RC3H1: variants seen among roughly 807,000 people sequenced by gnomAD.
The protein encoded by RC3H1 is ring finger and CCCH-type domains 1.
Under a neutral mutation model 138.2 loss-of-function variants are expected in RC3H1, and 50 were observed. That is an observed-to-expected ratio of 0.36 (90% CI 0.29 to 0.46). RC3H1 has a LOEUF of 0.46. Ranked by LOEUF, RC3H1 falls within the 20% of genes least tolerant of loss-of-function variation. The pLI, the probability that RC3H1 is intolerant of heterozygous loss-of-function variation, is 1.00. For synonymous variants in RC3H1, 462 were observed against 489.1 expected (o/e 0.94, Z 0.73); for missense variants, 1,031 against 1,388.1 (o/e 0.74, Z 4.09).
chr1:173,953,976 T>A (rs1659527202), intron 13 of RC3H1, among the ~76,000 whole-genome samples: 1 of 151,820 alleles, frequency 6.6e-6, no homozygotes, highest in African/African-American at 2.4e-5. Context: ...GAGGCGGAGG[T>A]TGCAGGGAGC....
At chr1:174,005,606 C>T (rs1661639975) in intron 1 of RC3H1, among the ~76,000 whole-genome samples, 1 of 152,060 alleles carries the variant, frequency 6.6e-6, no homozygotes, top group Admixed American at 6.5e-5. Context: ...CCTTCACAAA[C>T]ACAACATGCC....
Position 173,992,922 on chromosome 1 carries a change from C to G in RC3H1, c.64G>C (p.Asp22His), listed in dbSNP as rs759295069. ...LSCPICTQTF[D>H]ETIRKPISLG... ...CTGATGGGCTTTCGAATTGTTTCGTCGAAAGTCTGAGTGCAAATTGGGCAG... is the reference window on the plus strand; with the variant it reads ...CTGATGGGCTTTCGAATTGTTTCGTGGAAAGTCTGAGTGCAAATTGGGCAG... The change falls in exon 2 of 20, where the codon GAC becomes CAC. Residue 22 changes from aspartate to histidine, a missense_variant. Asp to His is a moderately conservative substitution (Grantham distance 81). Transcript: ENST00000367696. 1.2e-6 allele frequency: 2 copies of G among 1,613,806 alleles called. No individual in the cohort carries two copies. The highest frequency in any genetic ancestry group is 1.3e-5 in the African/African-American group (1 of 74,826).
Position 173,964,117 on chromosome 1 carries a change from C to T in RC3H1, c.1687G>A (p.Ala563Thr). ...GTAACAGGCATTGGAGGCAGATCTG[C>T]TGGCCCCCTTGGAGGTATAGAATGT... ...NPHSIPPRGP[A>T]DLPPMPVTKP... Residue 563 changes from alanine to threonine, a missense_variant, in exon 11 of 20, where the codon GCA (alanine) becomes ACA (threonine). Ala to Thr is a moderately conservative substitution (Grantham distance 58). Around this residue, in one of 7 missense-constraint regions of RC3H1, gnomAD observed 716 missense variants for 837.9 expected, o/e 0.85. Transcript: ENST00000367696. 2 of 1,614,152 alleles carry T rather than the reference C, an allele frequency of 1.2e-6. No homozygotes were observed.
At chr1:173,965,244 T>C in intron 9 of RC3H1, 124 bp from the exon 10 acceptor site, 1 of 902,346 alleles carries the variant, frequency 1.1e-6, no homozygotes, top group Non-Finnish European at 1.6e-6. Context: ...TCAGTGTGTA[T>C]ATTTTGCATA....
At chr1:173,980,486 GTTCA>G (rs1660768043) in intron 6 of RC3H1, among the ~76,000 whole-genome samples, 2 of 151,338 alleles carry the variant, frequency 1.3e-5, no homozygotes, top group South Asian at 4.2e-4. Context: ...TTTAGTAAAT[GTTCA>G]TTATTTTTTT....
intron 7 of RC3H1, among the ~76,000 whole-genome samples, chr1:173,973,637 T>C (rs1375107005): frequency 1.3e-5 from 2 of 152,166 alleles, no homozygotes; most frequent in African/African-American, 2.4e-5. Context: ...AGCACTATGA[T>C]TTATAAAAGA....
chr1:173,973,086 T>C (rs997165), intron 7 of RC3H1, among the ~76,000 whole-genome samples: 7,245 of 152,306 alleles, frequency 0.048, 567 homozygotes, highest in African/African-American at 0.16. Flanking sequence ...TAAGTAAAAA[T>C]TTCCCAGTTT....
intron 1 of RC3H1, among the ~76,000 whole-genome samples, chr1:173,997,763 T>C (rs1319152850): frequency 1.3e-5 from 2 of 152,208 alleles, no homozygotes; most frequent in Non-Finnish European, 2.9e-5. Flanking sequence ...CCTTGACTTT[T>C]TCTGGGAAAT....
intron 7 of RC3H1, among the ~76,000 whole-genome samples, chr1:173,976,835 T>C (rs1201145416): frequency 6.6e-6 from 1 of 151,888 alleles, no homozygotes; most frequent in Non-Finnish European, 1.5e-5. Flanking sequence ...CTGAATGCCA[T>C]AGTCAAGAGT....
At chr1:173,939,175 G>GT (rs1375239060) in intron 19 of RC3H1, among the ~76,000 whole-genome samples, 3 of 152,068 alleles carry the variant, frequency 2.0e-5, no homozygotes, top group Non-Finnish European at 4.4e-5. Context: ...GACAAAAACT[G>GT]TAAGGCCCGT....
chr1:174,007,312 C>T (rs1316159159), intron 1 of RC3H1, among the ~76,000 whole-genome samples: 2 of 151,576 alleles, frequency 1.3e-5, no homozygotes, highest in East Asian at 2.1e-4. Flanking sequence ...ATGGCGTGAA[C>T]CCGGGAGGCG....
intron 6 of RC3H1, among the ~76,000 whole-genome samples, chr1:173,979,744 T>C (rs1014732385): frequency 2.6e-5 from 4 of 152,220 alleles, no homozygotes; most frequent in African/African-American, 9.6e-5. Context: ...GTTAAGCGTT[T>C]CCGTAAATTA....
intron 14 of RC3H1, among the ~76,000 whole-genome samples, chr1:173,949,118 C>T (rs1173666363): frequency 1.1e-5 from 1 of 91,980 alleles, no homozygotes; most frequent in Non-Finnish European, 1.8e-5. Context: ...CTCTAAAACT[C>T]TCTATTTTTT....
intron 2 of RC3H1, among the ~76,000 whole-genome samples, chr1:173,985,120 T>C (rs1660971452): frequency 6.6e-6 from 1 of 152,244 alleles, no homozygotes; most frequent in Admixed American, 6.5e-5. Flanking sequence ...TTCAAGGGTC[T>C]TCCAGGTTGT....
intron 6 of RC3H1, 86 bp from the exon 7 acceptor site, chr1:173,978,706 T>C (rs1660681306): frequency 1.5e-6 from 2 of 1,360,044 alleles, no homozygotes; most frequent in Non-Finnish European, 2.0e-6. Flanking sequence ...ATTTTTGCGA[T>C]TTATTAAATT....
At chr1:173,965,395 A>C (rs1314040059) in intron 9 of RC3H1, among the ~76,000 whole-genome samples, 1 of 152,078 alleles carries the variant, frequency 6.6e-6, no homozygotes, top group Non-Finnish European at 1.5e-5. Context: ...GATCGAGACC[A>C]GTCTGGCCAA....
intron 1 of RC3H1, among the ~76,000 whole-genome samples, chr1:174,012,203 C>T (rs1162665579): frequency 1.3e-5 from 2 of 151,630 alleles, no homozygotes; most frequent in Non-Finnish European, 2.9e-5. Flanking sequence ...TGCACTCTAG[C>T]CTGGGCAACA....
chr1:173,972,814 T>C (rs1660422236), intron 7 of RC3H1, among the ~76,000 whole-genome samples, 187 bp from the exon 8 acceptor site: 1 of 152,158 alleles, frequency 6.6e-6, no homozygotes, highest in Non-Finnish European at 1.5e-5. Context: ...AAAGCTGGGG[T>C]TGCAAACTGA....
chr1:173,975,877 G>A (rs1426304527), intron 7 of RC3H1, among the ~76,000 whole-genome samples: 1 of 41,590 alleles, frequency 2.4e-5, no homozygotes, highest in Non-Finnish European at 3.1e-5. Flanking sequence ...CAGCCTGGGC[G>A]ACAGAGCGAG....
Sources: gnomAD v4.1 joint callset for allele counts (sites outside exome capture counted in the v4.1 genomes callset) on GRCh38, gnomAD v4.1.1 for gene constraint, gnomAD v4.1.1 regional missense constraint, MANE v1.5 for transcripts, NCBI Gene and HGNC (gene_info 2026-07-23, HGNC 2026-07-21) for gene names.